The following LAPTM4A variants were observed in gnomAD, a reference collection of about 807,000 sequenced individuals.
LAPTM4A encodes lysosomal protein transmembrane 4 alpha, also known as lysosomal-associated transmembrane protein 4A.
Under a neutral mutation model 29.9 loss-of-function variants are expected in LAPTM4A, and 19 were observed. The ratio of observed to expected loss-of-function variants is 0.64; its 90% CI spans 0.44 to 0.93. The LOEUF (loss-of-function observed/expected upper bound fraction) is 0.93. Among genes scored for constraint, LAPTM4A ranks in the 40% least tolerant of loss-of-function variants. LAPTM4A has a pLI of 0.00. For missense variants in LAPTM4A, 293 were observed against 288.5 expected (o/e 1.02, Z -0.11); for synonymous variants, 105 against 102.1 (o/e 1.03, Z -0.17).
At chr2:20,035,248 C>G (rs1331892873) in intron 4 of LAPTM4A, 186 bp from the exon 5 acceptor site, 3 of 568,960 alleles carry the variant, frequency 5.3e-6, no homozygotes, top group East Asian at 5.9e-5. Flanking sequence ...TGCATGCTAA[C>G]AATCACTTAG....
chr2:20,034,274 A>C, intron 6 of LAPTM4A, 43 bp downstream of exon 6: 2 of 1,292,120 alleles, frequency 1.5e-6, no homozygotes, highest in Non-Finnish European at 2.3e-6. Context: ...TGGAACAGTC[A>C]ATAGTGACTG....
At position 20,037,367 on chromosome 2, in the gene LAPTM4A, A is replaced by T. The variant is rs1370361642; in HGVS notation, c.381T>A (p.Ala127=). 6.2e-7 allele frequency: 1 copy of T among 1,613,434 alleles called. No individual in the cohort carries two copies. Among genetic ancestry groups the T allele is most frequent in the Non-Finnish European group, 8.5e-7 (1 of 1,179,548 alleles). Residue 127 remains alanine, a synonymous_variant, in exon 4 of 7, where the codon GCT becomes GCA. Coordinates refer to ENST00000175091, the MANE Select transcript of LAPTM4A (RefSeq NM_014713.5). ...LFDFVLSCLV[A]ISSLTYLPRI... is the part of the protein sequence containing the mutation. ...TTGGCAAATAGGTGAGAGAACTAAT[A>T]GCAACCAGGCAACTGAGGACGAAGT...
In LAPTM4A at chr2:20,037,348, A is replaced by T; in HGVS notation, c.400T>A (p.Leu134Met). 6.2e-7 allele frequency: 1 copy of T among 1,613,166 alleles called. No homozygotes were observed. The highest frequency in any genetic ancestry group is 8.5e-7 in the Non-Finnish European group (1 of 1,179,520). ...TCCAGATATTCTTTGATTCTTGGCA[A>T]ATAGGTGAGAGAACTAATAGCAACC... ...CLVAISSLTY[L>M]PRIKEYLDQL... The change falls in exon 4 of 7, where the codon TTG (leucine) becomes ATG (methionine). Residue 134 changes from leucine (L) to methionine (M), a missense_variant. Coordinates refer to ENST00000175091, the MANE Select transcript of LAPTM4A (RefSeq NM_014713.5).
At chr2:20,046,804 T>A (rs1002634461) in intron 1 of LAPTM4A, among the ~76,000 whole-genome samples, 2 of 129,768 alleles carry the variant, frequency 1.5e-5, no homozygotes, top group Non-Finnish European at 3.4e-5. Context: ...TAATATATAT[T>A]TTTTTTTGGT....
At chr2:20,051,337 A>T in intron 1 of LAPTM4A, 73 bp downstream of exon 1, 1 of 552,924 alleles carries the variant, frequency 1.8e-6, no homozygotes. Context: ...CCCCGTTTCC[A>T]GTCTCACCCC....
chr2:20,034,154 G>GA (rs1424589554), intron 6 of LAPTM4A, among the ~76,000 whole-genome samples, 163 bp downstream of exon 6: 3 of 152,152 alleles, frequency 2.0e-5, no homozygotes, highest in Non-Finnish European at 2.9e-5. Flanking sequence ...ATTCCAAGTG[G>GA]AAAATGTTGA....
intron 2 of LAPTM4A, among the ~76,000 whole-genome samples, chr2:20,037,934 A>C (rs1204685374): frequency 6.6e-6 from 1 of 152,176 alleles, no homozygotes; most frequent in Non-Finnish European, 1.5e-5. Flanking sequence ...GAATCTGAAG[A>C]TGTGCAAACA....
chr2:20,033,142 G>C lies in LAPTM4A; in HGVS notation c.*63C>G. The C allele has an allele frequency of 8.3e-6, 11 of 1,319,012 alleles. No homozygotes were observed. Among genetic ancestry groups the C allele is most frequent in the South Asian group, 2.4e-5 (2 of 84,902 alleles). The allele number at this position is 1,319,012 out of a possible 1,614,324, so 81.7% of individuals were successfully genotyped here. On this transcript the variant is annotated 3_prime_UTR_variant, in exon 7 of 7. Transcript: ENST00000175091. ...CAAGTTTGAAGAGCCCTGAATTGCA[G>C]CATTCTGTAACATAAACAAACAAAA...
At chr2:20,047,696 C>CAAAAAAAAAAAAAAGAAAAAAAAAAAAG (rs1673962999) in intron 1 of LAPTM4A, among the ~76,000 whole-genome samples, 1 of 76,720 alleles carries the variant, frequency 1.3e-5, no homozygotes, top group African/African-American at 5.0e-5. Flanking sequence ...GACTCCGTCT[C>CAAAAAAAAAAAAAAGAAAAAAAAAAAAG]AAAAAAAAAA....
intron 1 of LAPTM4A, among the ~76,000 whole-genome samples, chr2:20,050,269 T>C (rs2148216618): frequency 6.6e-6 from 1 of 152,338 alleles, no homozygotes; most frequent in East Asian, 1.9e-4. Flanking sequence ...TCATTTAAGA[T>C]GATTCTCATC....
At chr2:20,050,558 T>TCA (rs1165766677) in intron 1 of LAPTM4A, among the ~76,000 whole-genome samples, 1 of 152,060 alleles carries the variant, frequency 6.6e-6, no homozygotes, top group Non-Finnish European at 1.5e-5. Context: ...CATAGACAAG[T>TCA]TAGGTTTAAT....
At chr2:20,046,258 T>C (rs1220976424) in intron 1 of LAPTM4A, among the ~76,000 whole-genome samples, 2 of 151,940 alleles carry the variant, frequency 1.3e-5, no homozygotes, top group African/African-American at 4.8e-5. Context: ...AAATGATGAG[T>C]TGATGGGTGC....
chr2:20,037,706 A>T (rs1465910049), intron 2 of LAPTM4A, 92 bp from the exon 3 acceptor site: 1 of 777,924 alleles, frequency 1.3e-6, no homozygotes, highest in African/African-American at 1.8e-5. Flanking sequence ...TATTAAATTT[A>T]AATATTTTCA....
At chr2:20,033,393 G>A in intron 6 of LAPTM4A, 114 bp from the exon 7 acceptor site, 1 of 785,462 alleles carries the variant, frequency 1.3e-6, no homozygotes, top group Non-Finnish European at 2.2e-6. Context: ...CCATAAAGAA[G>A]AGCTGAAGAA....
At chr2:20,035,252 C>A in intron 4 of LAPTM4A, 190 bp from the exon 5 acceptor site, 1 of 558,568 alleles carries the variant, frequency 1.8e-6, no homozygotes, top group Non-Finnish European at 3.2e-6. Context: ...TGCTAACAAT[C>A]ACTTAGAGTA....
intron 2 of LAPTM4A, among the ~76,000 whole-genome samples, chr2:20,038,452 G>A (rs773049369): frequency 3.3e-5 from 5 of 152,158 alleles, no homozygotes; most frequent in Non-Finnish European, 5.9e-5. Flanking sequence ...CTGAGACAGA[G>A]TCTTGCTCTG....
chr2:20,033,315 C>CTCCTTTAAAA, intron 6 of LAPTM4A, 36 bp from the exon 7 acceptor site: 1 of 1,501,268 alleles, frequency 6.7e-7, no homozygotes, highest in Non-Finnish European at 9.3e-7. Context: ...AGATTTAATT[C>CTCCTTTAAAA]TCCTTTAAAA....
intron 6 of LAPTM4A, among the ~76,000 whole-genome samples, chr2:20,033,732 C>T (rs1180742230): frequency 2.6e-5 from 4 of 152,162 alleles, no homozygotes; most frequent in Non-Finnish European, 2.9e-5. Context: ...ATCATGTCTT[C>T]GAGGGTAACA....
intron 2 of LAPTM4A, among the ~76,000 whole-genome samples, chr2:20,038,823 T>C (rs1211940686): frequency 6.6e-6 from 1 of 152,092 alleles, no homozygotes; most frequent in African/African-American, 2.4e-5. Flanking sequence ...ACAAAAGATG[T>C]TTTAAAAATG....
Sources: allele counts gnomAD v4.1 joint callset (sites outside exome capture counted in the v4.1 genomes callset), GRCh38; gene constraint gnomAD v4.1.1; transcripts MANE v1.5; gene names NCBI Gene and HGNC (gene_info 2026-07-23, HGNC 2026-07-21).